DMD: variants seen among roughly 807,000 people sequenced by gnomAD.
The protein encoded by DMD is mutant dystrophin.
Under a neutral mutation model 330.1 loss-of-function variants are expected in DMD, and 63 were observed. The observed-to-expected ratio is 0.19, with a 90% confidence interval of 0.16 to 0.24. DMD has a LOEUF of 0.24. DMD is among the 10% of genes least tolerant of loss of function. The pLI is 1.00. For synonymous variants in DMD, 1,223 were observed against 959.8 expected, an observed-to-expected ratio of 1.27 and a Z score of -5.07; for missense variants, 3,344 against 2,684.1, an observed-to-expected ratio of 1.25 and a Z score of -5.43.
At chrX:32,362,307 C>T (rs747186918) in intron 37 of DMD, among the ~76,000 whole-genome samples, 1 of 111,261 alleles carries the variant, frequency 9.0e-6, no homozygotes, top group Non-Finnish European at 1.9e-5. Flanking sequence ...CACCCTAGAC[C>T]GTGCAGAAGA....
At chrX:32,569,631 T>C (rs2052169521) in intron 15 of DMD, among the ~76,000 whole-genome samples, 1 of 111,667 alleles carries the variant, frequency 9.0e-6, no homozygotes. Flanking sequence ...AATTAATTAT[T>C]TGAGGGCCAT....
At chrX:31,787,297 A>G (rs769782051) in intron 50 of DMD, among the ~76,000 whole-genome samples, 150 of 111,683 alleles carry the variant, frequency 1.3e-3, no homozygotes, top group African/African-American at 4.8e-3. Context: ...CTTGAAACTA[A>G]GAGGTGGAGG....
chrX:32,844,214 T>C (rs774339941), intron 4 of DMD, among the ~76,000 whole-genome samples: 3 of 110,088 alleles, frequency 2.7e-5, no homozygotes, highest in South Asian at 3.9e-4. Flanking sequence ...AGACTAGCCT[T>C]GGCCAACATG....
At chrX:32,423,071 A>C (rs761694871) in intron 29 of DMD, among the ~76,000 whole-genome samples, 1 of 111,200 alleles carries the variant, frequency 9.0e-6, no homozygotes, top group Non-Finnish European at 1.9e-5. Flanking sequence ...ACATTGATAA[A>C]CTTAAAAGAG....
chrX:32,752,045 T>G (rs956270160), intron 7 of DMD, among the ~76,000 whole-genome samples: 2 of 112,449 alleles, frequency 1.8e-5, no homozygotes, highest in African/African-American at 6.5e-5. Context: ...AGGGCCCTCA[T>G]GGAGAACCTC....
intron 1 of DMD, among the ~76,000 whole-genome samples, chrX:33,331,392 A>G (rs893933082): frequency 8.9e-6 from 1 of 112,069 alleles, no homozygotes; most frequent in African/African-American, 3.2e-5. Context: ...GTCACTTTCA[A>G]TAATCCAGCT....
intron 60 of DMD, among the ~76,000 whole-genome samples, chrX:31,358,076 C>A (rs1418725908): frequency 1.8e-5 from 2 of 110,241 alleles, no homozygotes; most frequent in Non-Finnish European, 3.8e-5. Context: ...TCTTTGCACA[C>A]TTCTGACCTA....
intron 1 of DMD, among the ~76,000 whole-genome samples, chrX:33,177,228 G>A (rs968776037): frequency 6.3e-5 from 7 of 111,773 alleles, no homozygotes; most frequent in Non-Finnish European, 9.4e-5. Context: ...CTCTGGAGAA[G>A]GAAGCAGCTG....
At chrX:33,008,907 CTCATATAT>C (rs1569548741) in intron 2 of DMD, among the ~76,000 whole-genome samples, 10 of 78,258 alleles carry the variant, frequency 1.3e-4, no homozygotes, top group Non-Finnish European at 2.4e-4. Flanking sequence ...TATACACATA[CTCATATAT>C]GTATATATAC....
chrX:32,241,497 C>T (rs1410799382), intron 43 of DMD, among the ~76,000 whole-genome samples: 1 of 112,205 alleles, frequency 8.9e-6, no homozygotes, highest in African/African-American at 3.2e-5. Context: ...CACCACAGCC[C>T]AGCCTCTGGT....
intron 74 of DMD, among the ~76,000 whole-genome samples, chrX:31,161,012 T>C (rs763843600): frequency 8.9e-6 from 1 of 111,790 alleles, no homozygotes; most frequent in African/African-American, 3.2e-5. Flanking sequence ...GTGTCCTTAA[T>C]ACTCTGTGCC....
chrX:31,406,315 A>C (rs981049527), intron 60 of DMD, among the ~76,000 whole-genome samples: 4 of 111,790 alleles, frequency 3.6e-5, no homozygotes, highest in African/African-American at 1.3e-4. Flanking sequence ...TGATAAAATA[A>C]TGTGTACAAC....
intron 1 of DMD, among the ~76,000 whole-genome samples, chrX:33,085,582 A>G (rs973659480): frequency 7.1e-5 from 8 of 112,300 alleles, no homozygotes; most frequent in African/African-American, 2.6e-4. Context: ...TTTATGTTTC[A>G]TTAATCAAGA....
intron 1 of DMD, among the ~76,000 whole-genome samples, chrX:33,298,637 T>C (rs1174907155): frequency 8.9e-6 from 1 of 111,810 alleles, no homozygotes; most frequent in Non-Finnish European, 1.9e-5. Flanking sequence ...TCTTATTTCT[T>C]GCTGATACTC....
Position 31,121,763 on chromosome X carries a change from C to G in DMD, c.*156G>C, listed in dbSNP as rs891448053. On this transcript the variant is annotated 3_prime_UTR_variant, in exon 79 of 79. Transcript: ENST00000357033. ...AATATAGATTTATTTCTTGTAAACT[C>G]TTACTGTCTAATCCTCTTTGTTGTA... The G allele has an allele frequency of 2.4e-5, 19 of 795,350 alleles. No individual in the cohort carries two copies. The highest frequency in any genetic ancestry group is 3.7e-5 in the Non-Finnish European group (19 of 520,494). The allele number at this position is 795,350 out of a possible 1,213,427, so 65.5% of individuals were successfully genotyped here. A position where few individuals can be genotyped will look rare whatever the true frequency, so the allele number is the denominator to read the frequency against.
In DMD at chrX:31,759,285, C is replaced by CA. The variant is rs34439135; in HGVS notation, c.7542+14674dup. 8.3e-4 allele frequency among the ~76,000 whole-genome samples: 73 copies of CA among 87,622 alleles called. No individual in the cohort carries two copies. The South Asian group carries it at 0.015, about 18-fold the overall frequency. The allele number at this position is 87,622 out of a possible 115,157, so 76.1% of individuals were successfully genotyped here. A position where few individuals can be genotyped will look rare whatever the true frequency, so the allele number is the denominator to read the frequency against. On this transcript the variant is annotated intron_variant, in intron 51 of 78. Coordinates refer to ENST00000357033, the MANE Select transcript of DMD (RefSeq NM_004006.3). ...TTCAGAGATGTCATCAAATAATTGA[C>CA]AAAAAAAAAAAAAAGGATAAGAAAA... is the stretch of plus-strand genomic sequence containing the variant.
chrX:31,421,628 T>C (rs745505666), intron 60 of DMD, among the ~76,000 whole-genome samples: 89 of 110,819 alleles, frequency 8.0e-4, no homozygotes, highest in African/African-American at 2.8e-3. Flanking sequence ...ACAGGCATTT[T>C]GGGCTTTCAG....
Position 31,493,117 on chromosome X carries a change from G to C in DMD, c.8547+3671C>G, listed in dbSNP as rs751154035. Among the ~76,000 whole-genome samples the C allele has an allele frequency of 5.4e-5, 6 of 111,629 alleles. No homozygotes were observed. The South Asian group carries it at 2.3e-3, about 42-fold the overall frequency. On this transcript the variant is annotated intron_variant, in intron 57 of 78. Coordinates refer to ENST00000357033, the MANE Select transcript of DMD (RefSeq NM_004006.3). The stretch of plus-strand genomic sequence containing the variant: ...AACAGAAAACTCCTGTAAATAAGAA[G>C]GGAATACCACTCTATTCTTTCTTTC...
chrX:31,859,712 G>A (rs940524890), intron 48 of DMD, among the ~76,000 whole-genome samples: 1 of 112,301 alleles, frequency 8.9e-6, no homozygotes, highest in Non-Finnish European at 1.9e-5. Context: ...ATAGCTTTAT[G>A]AGACAATGGA....
Sources: allele counts gnomAD v4.1 joint callset (sites outside exome capture counted in the v4.1 genomes callset), GRCh38; gene constraint gnomAD v4.1.1; transcripts MANE v1.5; gene names NCBI Gene and HGNC (gene_info 2026-07-23, HGNC 2026-07-21).